FBXL13: variants seen among roughly 807,000 people sequenced by gnomAD.
FBXL13 encodes the protein F-box and leucine-rich repeat protein 13.
FBXL13 carries 67 observed loss-of-function variants against 83.6 expected under a neutral mutation model. The ratio of observed to expected loss-of-function variants is 0.80; its 90% confidence interval spans 0.66 to 0.98. The LOEUF (loss-of-function observed/expected upper bound fraction) is 0.98, where lower values mean the gene tolerates loss of function less well. Among genes scored for constraint, FBXL13 ranks in the 50% least tolerant of loss-of-function variants. The pLI is 0.00. For synonymous variants in FBXL13, 272 were observed against 299.5 expected (o/e 0.91, Z 0.95); for missense variants, 822 against 866.5 (o/e 0.95, Z 0.64).
At position 102,949,261 on chromosome 7, in the gene FBXL13, CTG is replaced by C. The variant is rs1258999195; in HGVS notation, c.724+14270_724+14271del. Among the ~76,000 whole-genome samples, 4 of 152,188 alleles carry C rather than the reference CTG, an allele frequency of 2.6e-5. No homozygotes were observed. In the East Asian group the frequency reaches 7.7e-4, roughly 29 times the overall value. ...AGACAATGGAAAAGCTAAAACATCT[CTG>C]AGAATTTTTTTTTAACTTTTATTTT... On this transcript the variant is annotated intron_variant, in intron 8 of 19. Transcript: ENST00000313221.
At chr7:102,824,326 T>G (rs375706631) in intron 18 of FBXL13, among the ~76,000 whole-genome samples, 69 of 152,326 alleles carry the variant, frequency 4.5e-4, no homozygotes, top group African/African-American at 1.7e-3. Flanking sequence ...AGAAATAATA[T>G]AAGCACATTG....
chr7:102,834,393 T>C (rs1452988526), intron 17 of FBXL13, among the ~76,000 whole-genome samples: 2 of 147,154 alleles, frequency 1.4e-5, no homozygotes, highest in South Asian at 2.1e-4. Context: ...TATATATATA[T>C]ATTATATGCG....
rs137996757 is a variant in FBXL13, at chr7:102,995,702, G to A, written c.496-27585C>T. 2.6e-3 allele frequency among the ~76,000 whole-genome samples: 397 copies of A among 151,490 alleles called. 6 individuals carry two copies. The East Asian group carries it at 0.041, about 16-fold the overall frequency. ...CTTGGGAGTCTGAGGCAGGAGAATC[G>A]CTTGATCCCGGGACGTGGAGGTTGC... On this transcript the variant is annotated intron_variant, in intron 6 of 19. Coordinates refer to ENST00000313221, the Ensembl canonical transcript of FBXL13.
intron 6 of FBXL13, among the ~76,000 whole-genome samples, chr7:102,975,704 T>C (rs1827334670): frequency 1.3e-5 from 2 of 152,200 alleles, no homozygotes; most frequent in Non-Finnish European, 2.9e-5. Context: ...GGAACCGATA[T>C]TTTAAACCTT....
chr7:102,883,236 C>G (rs1419568903), intron 14 of FBXL13, 69 bp downstream of exon 15: 18 of 1,447,010 alleles, frequency 1.2e-5, no homozygotes, highest in Non-Finnish European at 1.0e-5. Context: ...CCATAAGTTC[C>G]TTAGGAGAGA....
chr7:102,882,434 G>GGA (rs1207418659), intron 14 of FBXL13, among the ~76,000 whole-genome samples: 2 of 152,202 alleles, frequency 1.3e-5, no homozygotes, highest in African/African-American at 4.8e-5. Flanking sequence ...AAGAGTCTGA[G>GGA]CTACCCACTG....
At chr7:102,895,105 G>C (rs1227880786) in intron 11 of FBXL13, among the ~76,000 whole-genome samples, 1 of 152,156 alleles carries the variant, frequency 6.6e-6, no homozygotes, top group East Asian at 1.9e-4. Flanking sequence ...AGACAAGCAA[G>C]CAGATAATTG....
At chr7:102,885,447 T>C (rs1212073758) in intron 11 of FBXL13, among the ~76,000 whole-genome samples, 2 of 144,942 alleles carry the variant, frequency 1.4e-5, no homozygotes, top group Admixed American at 1.4e-4. Context: ...GTTATTTGCC[T>C]TTTTTTTTTT....
chr7:102,857,891 A>G (rs577085207), intron 16 of FBXL13: 19 of 152,332 alleles, frequency 1.2e-4, no homozygotes, highest in African/African-American at 4.3e-4. Context: ...TATGGAAAAC[A>G]GCATAGAAAT....
chr7:102,981,123 G>C (rs1390307879), intron 6 of FBXL13, among the ~76,000 whole-genome samples: 3 of 152,130 alleles, frequency 2.0e-5, no homozygotes, highest in Non-Finnish European at 4.4e-5. Context: ...TATTTTTGAA[G>C]ACAGAGGAAC....
chr7:103,070,816 C>T (rs900872049), intron 1 of FBXL13, among the ~76,000 whole-genome samples: 1 of 152,152 alleles, frequency 6.6e-6, no homozygotes, highest in Non-Finnish European at 1.5e-5. Context: ...GGAGAACTCA[C>T]TAATTATCAC....
chr7:102,905,788 G>A (rs1268800290), intron 11 of FBXL13, among the ~76,000 whole-genome samples: 1 of 151,934 alleles, frequency 6.6e-6, no homozygotes, highest in Non-Finnish European at 1.5e-5. Context: ...TCTACTGTAT[G>A]ATTTTTGGCT....
intron 18 of FBXL13, among the ~76,000 whole-genome samples, chr7:102,826,724 C>CAT (rs58307950): frequency 0.013 from 834 of 62,194 alleles, 27 homozygotes; most frequent in Non-Finnish European, 0.022. Flanking sequence ...GACCCTGTCT[C>CAT]ATATATATAT....
At chr7:103,061,741 G>A (rs1441800571) in intron 1 of FBXL13, among the ~76,000 whole-genome samples, 1 of 151,920 alleles carries the variant, frequency 6.6e-6, no homozygotes, top group African/African-American at 2.4e-5. Flanking sequence ...GATTGAGACT[G>A]TCCTGGCTAA....
chr7:103,055,430 G>A (rs74918849), intron 2 of FBXL13, among the ~76,000 whole-genome samples: 2,922 of 152,026 alleles, frequency 0.019, 96 homozygotes, highest in African/African-American at 0.065. Flanking sequence ...CTATGAACAC[G>A]TTACTGATAA....
At chr7:102,849,635 C>CT (rs1489155223) in intron 17 of FBXL13, among the ~76,000 whole-genome samples, 1 of 152,154 alleles carries the variant, frequency 6.6e-6, no homozygotes, top group Non-Finnish European at 1.5e-5. Context: ...CTTTCCTTCT[C>CT]TTTTTAAATC....
chr7:102,812,344 T>G (rs1371623194), downstream of FBXL13, among the ~76,000 whole-genome samples: 1 of 152,242 alleles, frequency 6.6e-6, no homozygotes, highest in Non-Finnish European at 1.5e-5. Flanking sequence ...GAGCATCTTT[T>G]TTGGCATAGC....
In FBXL13 at chr7:103,018,448, T is replaced by C. The variant is rs542886971; in HGVS notation, c.495+6615A>G. Among the ~76,000 whole-genome samples, 9 of 152,262 alleles carry C rather than the reference T, an allele frequency of 5.9e-5. No homozygotes were observed. The South Asian group carries it at 1.4e-3, about 25-fold the overall frequency. Reference sequence around the variant, plus strand: ...GCAAAATAACCAGCTAACATCATAATGACAGGATCAAATTCACACATAACA... The same window carrying C: ...GCAAAATAACCAGCTAACATCATAACGACAGGATCAAATTCACACATAACA... On this transcript the variant is annotated intron_variant, in intron 6 of 19. Coordinates refer to ENST00000313221, the Ensembl canonical transcript of FBXL13.
chr7:103,070,283 G>A (rs1180047740), intron 1 of FBXL13, among the ~76,000 whole-genome samples: 2 of 152,014 alleles, frequency 1.3e-5, no homozygotes, highest in Non-Finnish European at 2.9e-5. Flanking sequence ...CCAGGCTGGA[G>A]TGTAATGGTG....
Sources: gnomAD v4.1 joint callset for allele counts (sites outside exome capture counted in the v4.1 genomes callset) on GRCh38, gnomAD v4.1.1 for gene constraint, MANE v1.5 for transcripts, NCBI Gene and HGNC (gene_info 2026-07-23, HGNC 2026-07-21) for gene names.